The following TBC1D1 variants were observed in gnomAD, a reference collection of about 807,000 sequenced individuals.
TBC1D1 encodes the protein TBC1 (tre-2/USP6, BUB2, cdc16) domain family, member 1.
A neutral mutation model predicts 125.6 loss-of-function variants in TBC1D1; 89 were observed. That is an observed-to-expected ratio of 0.71 (90% CI 0.60 to 0.85). The LOEUF is 0.85. TBC1D1 is among the 40% of genes least tolerant of loss of function. TBC1D1 has a pLI of 0.00. For synonymous variants in TBC1D1, 565 were observed against 564.1 expected, an observed-to-expected ratio of 1.00 and a Z score of -0.02; for missense variants, 1,377 against 1,469.2, an observed-to-expected ratio of 0.94 and a Z score of 1.03.
chr4:37,977,077 T>C lies in TBC1D1; in HGVS notation c.418-37432T>C, dbSNP rs1733239591. ...GGAGGAATTCTTAGATTTCTGAAAG[T>C]TGTGCGAAACGGACCCCAGAGGCCT... On this transcript the variant is annotated intron_variant, in intron 2 of 19. Transcript: ENST00000261439. This position sits in a 1 kb window ranked among gnomAD's most constrained non-coding sequence, Gnocchi z 4.3. Among the ~76,000 whole-genome samples the C allele has an allele frequency of 6.6e-6, 1 of 152,116 alleles. No homozygotes were observed. The highest frequency in any genetic ancestry group is 1.9e-4 in the East Asian group (1 of 5,174).
At chr4:38,013,730 C>A (rs1177966786) in intron 2 of TBC1D1, among the ~76,000 whole-genome samples, 2 of 152,218 alleles carry the variant, frequency 1.3e-5, no homozygotes, top group African/African-American at 2.4e-5. Flanking sequence ...AACACCGTGG[C>A]AGATGAGGTC....
intron 7 of TBC1D1, among the ~76,000 whole-genome samples, chr4:38,031,156 A>G (rs1490108977): frequency 6.6e-6 from 1 of 152,250 alleles, no homozygotes; most frequent in East Asian, 1.9e-4. Context: ...TCATCTCAGG[A>G]TAAGAATTGC....
intron 2 of TBC1D1, among the ~76,000 whole-genome samples, chr4:37,975,953 C>T (rs1486474365): frequency 6.6e-6 from 1 of 152,102 alleles, no homozygotes; most frequent in Non-Finnish European, 1.5e-5. Flanking sequence ...CGCCCACAAT[C>T]CCCCATGATC....
At position 38,090,019 on chromosome 4, in the gene TBC1D1, AGAAAAG is replaced by A; in HGVS notation, c.2141_2146del (p.Lys714_Arg715del). On this transcript the variant is annotated inframe_deletion, in exon 13 of 20. Transcript: ENST00000261439. The stretch of plus-strand genomic sequence containing the variant: ...CCCTTTGGCCCCCCACCAGAGGAAA[AGAAAAG>A]GACATCTCGTGAGCTCCGAGAGCTG... 6.2e-7 allele frequency: 1 copy of A among 1,614,140 alleles called. No homozygotes were observed. Among genetic ancestry groups the A allele is most frequent in the Non-Finnish European group, 8.5e-7 (1 of 1,179,996 alleles).
At chr4:37,933,497 T>C (rs1486021461) in intron 2 of TBC1D1, among the ~76,000 whole-genome samples, 1 of 151,268 alleles carries the variant, frequency 6.6e-6, no homozygotes, top group African/African-American at 2.4e-5. Context: ...AAATAAAGGC[T>C]CTGGAGTCAG....
chr4:38,017,391 C>T (rs1467199667), intron 3 of TBC1D1, among the ~76,000 whole-genome samples: 6 of 152,172 alleles, frequency 3.9e-5, no homozygotes, highest in East Asian at 1.9e-4. Context: ...TTGGTCTCCA[C>T]AGAAGGACAA....
intron 5 of TBC1D1, among the ~76,000 whole-genome samples, chr4:38,021,311 GA>G (rs1743976713): frequency 6.6e-6 from 1 of 152,158 alleles, no homozygotes; most frequent in Non-Finnish European, 1.5e-5. Context: ...TGACATATGG[GA>G]ATTATGGGAG....
chr4:37,949,360 T>A (rs748031414), intron 2 of TBC1D1, among the ~76,000 whole-genome samples: 1 of 152,222 alleles, frequency 6.6e-6, no homozygotes, highest in Non-Finnish European at 1.5e-5. Context: ...GTGCTTCCTA[T>A]TAGGTTGATG....
intron 12 of TBC1D1, among the ~76,000 whole-genome samples, chr4:38,077,630 ATTT>A (rs33926889): frequency 1.3e-4 from 16 of 125,288 alleles, no homozygotes; most frequent in Admixed American, 3.1e-4. Flanking sequence ...CAAAACCTTA[ATTT>A]TTTTTTTTTT....
chr4:38,016,818 G>T (rs1475489880), intron 3 of TBC1D1, among the ~76,000 whole-genome samples: 2 of 152,308 alleles, frequency 1.3e-5, no homozygotes, highest in South Asian at 2.1e-4. Flanking sequence ...CTTGGTCAGG[G>T]TTTTGTTTTT....
At chr4:38,004,446 C>CA (rs1484057450) in intron 2 of TBC1D1, among the ~76,000 whole-genome samples, 1 of 152,190 alleles carries the variant, frequency 6.6e-6, no homozygotes, top group Non-Finnish European at 1.5e-5. Flanking sequence ...CACACATTTA[C>CA]CAAAATGCTT....
intron 2 of TBC1D1, among the ~76,000 whole-genome samples, chr4:37,958,976 A>G (rs988767922): frequency 6.6e-6 from 1 of 152,180 alleles, no homozygotes; most frequent in Non-Finnish European, 1.5e-5. Flanking sequence ...TGGCACTTGA[A>G]TTTACAAGCT....
chr4:38,107,577 GTTTTTTTTTTTTT>G (rs3038351), intron 15 of TBC1D1, among the ~76,000 whole-genome samples: 1 of 53,104 alleles, frequency 1.9e-5, no homozygotes, highest in Non-Finnish European at 3.1e-5. Context: ...GTCTAAACAG[GTTTTTTTTTTTTT>G]TTTTTTTTTT....
At position 38,014,501 on chromosome 4, in the gene TBC1D1, C is replaced by CT. The variant is rs375823419; in HGVS notation, c.418-7dup. On this transcript the variant is annotated splice_region_variant and splice_polypyrimidine_tract_variant and intron_variant, in intron 2 of 19. Coordinates refer to ENST00000261439, the MANE Select transcript of TBC1D1 (RefSeq NM_015173.4). The surrounding 1 kb of genome is among the most constrained non-coding windows in gnomAD (Gnocchi z 5.1). The stretch of plus-strand genomic sequence containing the variant: ...TGTTCCAAATAACACGCCTCTCTCT[C>CT]TCCTCAGGTGCCTGAGATCATCAGC... 60 of 1,609,928 alleles carry CT rather than the reference C, an allele frequency of 3.7e-5. 1 individual carries two copies. The East Asian group carries it at 1.3e-3, about 34-fold the overall frequency.
At chr4:38,128,812 C>T (rs1291227079) in intron 18 of TBC1D1, among the ~76,000 whole-genome samples, 1 of 152,208 alleles carries the variant, frequency 6.6e-6, no homozygotes, top group Non-Finnish European at 1.5e-5. Flanking sequence ...AAACCATCTA[C>T]ATCTTCTGAC....
intron 14 of TBC1D1, among the ~76,000 whole-genome samples, chr4:38,096,917 T>C (rs2152548280): frequency 6.6e-6 from 1 of 152,336 alleles, no homozygotes; most frequent in African/African-American, 2.4e-5. Flanking sequence ...ACAGATAGTT[T>C]GAGAACCGCT....
chr4:38,137,097 C>T (rs1766759029), intron 19 of TBC1D1, 38 bp from the exon 22 acceptor site: 1 of 1,611,774 alleles, frequency 6.2e-7, no homozygotes, highest in Non-Finnish European at 8.5e-7. Context: ...TGTGTTAGCA[C>T]TGGCAATTGT....
intron 2 of TBC1D1, among the ~76,000 whole-genome samples, chr4:37,963,448 T>C (rs1236086840): frequency 6.6e-6 from 1 of 151,658 alleles, no homozygotes; most frequent in African/African-American, 2.4e-5. Flanking sequence ...AGGCCAGGAG[T>C]TCGAAACCAG....
At chr4:38,041,309 T>G (rs943262497) in intron 8 of TBC1D1, among the ~76,000 whole-genome samples, 1 of 152,198 alleles carries the variant, frequency 6.6e-6, no homozygotes, top group African/African-American at 2.4e-5. Context: ...TGGCAGAAAT[T>G]TTTAAAAAGT....
Sources: allele counts gnomAD v4.1 joint callset (sites outside exome capture counted in the v4.1 genomes callset), GRCh38; gene constraint gnomAD v4.1.1; non-coding constraint Gnocchi (gnomAD v3.1); transcripts MANE v1.5; gene names NCBI Gene and HGNC (gene_info 2026-07-23, HGNC 2026-07-21).